Variants in SORCS1 observed in about 807,000 individuals in gnomAD.
The protein encoded by SORCS1 is VPS10 domain-containing receptor SorCS1.
SORCS1 carries 60 observed loss-of-function variants against 146.1 expected under a neutral mutation model. That is an observed-to-expected ratio of 0.41 (90% CI 0.33 to 0.51). The LOEUF (loss-of-function observed/expected upper bound fraction) is 0.51. Among genes scored for constraint, SORCS1 ranks in the 20% least tolerant of loss-of-function variants. The pLI, the probability that SORCS1 is intolerant of heterozygous loss-of-function variation, is 0.21. For missense variants in SORCS1, 1,352 were observed against 1,487.6 expected (o/e 0.91, Z 1.50); for synonymous variants, 637 against 584.0 (o/e 1.09, Z -1.31).
intron 4 of SORCS1, among the ~76,000 whole-genome samples, chr10:106,773,084 T>G (rs535883291): frequency 6.6e-6 from 1 of 152,274 alleles, no homozygotes; most frequent in African/African-American, 2.4e-5. Context: ...GCCACCTCAA[T>G]AATGCATTTT....
intron 2 of SORCS1, among the ~76,000 whole-genome samples, chr10:106,870,243 A>G (rs567058338): frequency 6.6e-6 from 1 of 152,368 alleles, no homozygotes; most frequent in East Asian, 1.9e-4. Context: ...GGAAGAATCA[A>G]CATCTTTGAA....
intron 1 of SORCS1, among the ~76,000 whole-genome samples, chr10:107,028,337 A>C (rs941021399): frequency 1.3e-5 from 2 of 152,218 alleles, no homozygotes; most frequent in African/African-American, 4.8e-5. Context: ...GAACAGAAAG[A>C]GGCTCATATT....
chr10:106,745,860 A>T, intron 5 of SORCS1, among the ~76,000 whole-genome samples: 1 of 152,238 alleles, frequency 6.6e-6, no homozygotes, highest in South Asian at 2.1e-4. Flanking sequence ...TAACATCATC[A>T]GTAATAAGAC....
chr10:106,867,648 T>G (rs12266638), intron 2 of SORCS1, among the ~76,000 whole-genome samples: 2,783 of 152,234 alleles, frequency 0.018, 83 homozygotes, highest in East Asian at 0.11. Flanking sequence ...CCAACTAACT[T>G]CCTAAGTAAA....
intron 4 of SORCS1, among the ~76,000 whole-genome samples, chr10:106,774,343 G>A (rs940734167): frequency 6.6e-6 from 1 of 151,790 alleles, no homozygotes; most frequent in East Asian, 1.9e-4. Flanking sequence ...ATTTCTGAAG[G>A]CTCCTAATTA....
intron 24 of SORCS1, among the ~76,000 whole-genome samples, chr10:106,595,807 T>C (rs1845873568): frequency 6.6e-6 from 1 of 152,158 alleles, no homozygotes; most frequent in African/African-American, 2.4e-5. Context: ...GAATGACCTC[T>C]TGCATTTAAT....
chr10:106,797,787 CTGAT>C (rs748312216), intron 3 of SORCS1, among the ~76,000 whole-genome samples: 9 of 152,298 alleles, frequency 5.9e-5, no homozygotes, highest in Non-Finnish European at 2.9e-5. Flanking sequence ...GACTGCATCT[CTGAT>C]TGTGCAGTCC....
At chr10:107,014,284 A>AAGAGAG (rs906628023) in intron 1 of SORCS1, among the ~76,000 whole-genome samples, 1 of 144,970 alleles carries the variant, frequency 6.9e-6, no homozygotes, top group Non-Finnish European at 1.5e-5. Flanking sequence ...AAAAGAAAAA[A>AAGAGAG]AGAGAGAGAG....
chr10:106,708,938 G>T (rs1037372071), intron 7 of SORCS1, among the ~76,000 whole-genome samples: 1 of 152,186 alleles, frequency 6.6e-6, no homozygotes, highest in Admixed American at 6.5e-5. Flanking sequence ...CATCATCCTA[G>T]AGACAATCTC....
rs147638396 is a variant in SORCS1 at position 106,855,338 on chromosome 10, A to G, written c.627-25665T>C. 1.2e-3 allele frequency among the ~76,000 whole-genome samples: 177 copies of G among 152,132 alleles called. 1 individual carries two copies. The highest frequency in any genetic ancestry group is 4.0e-3 in the African/African-American group (168 of 41,484). The stretch of plus-strand genomic sequence containing the variant: ...TCTGAATTTTGAATATGATATACCT[A>G]TGTGGGGTTATGATGGTTTTTGTGG... On this transcript the variant is annotated intron_variant, in intron 2 of 25. Coordinates refer to ENST00000263054, the MANE Select transcript of SORCS1 (RefSeq NM_052918.5).
At chr10:106,750,020 G>A (rs994760115) in intron 5 of SORCS1, among the ~76,000 whole-genome samples, 1 of 152,242 alleles carries the variant, frequency 6.6e-6, no homozygotes, top group Non-Finnish European at 1.5e-5. Context: ...ATTCAAAATC[G>A]ATGATTGAAT....
chr10:107,145,291 G>T (rs968644217), intron 1 of SORCS1, among the ~76,000 whole-genome samples: 1 of 152,176 alleles, frequency 6.6e-6, no homozygotes, highest in Non-Finnish European at 1.5e-5. Context: ...TGAATTAAAT[G>T]ACCAAAAGAA....
At chr10:107,157,331 G>C (rs1969363717) in intron 1 of SORCS1, among the ~76,000 whole-genome samples, 1 of 152,170 alleles carries the variant, frequency 6.6e-6, no homozygotes, top group South Asian at 2.1e-4. Flanking sequence ...GTCAAACCAA[G>C]AATCACTCCT....
intron 3 of SORCS1, among the ~76,000 whole-genome samples, chr10:106,826,093 T>C (rs1402122443): frequency 6.6e-6 from 1 of 152,230 alleles, no homozygotes; most frequent in Non-Finnish European, 1.5e-5. Context: ...TCCCCGGTAG[T>C]ACCCCTAACA....
chr10:106,863,449 C>T (rs58289922), intron 2 of SORCS1, among the ~76,000 whole-genome samples: 4,835 of 149,812 alleles, frequency 0.032, 234 homozygotes, highest in African/African-American at 0.11. Context: ...CACTTGAACC[C>T]AAGAGGCAGA....
intron 2 of SORCS1, among the ~76,000 whole-genome samples, chr10:106,862,843 G>A (rs1950075606): frequency 6.7e-6 from 1 of 148,594 alleles, no homozygotes; most frequent in Admixed American, 6.7e-5. Context: ...TGAAGTAGCT[G>A]AGACTTAGAT....
At chr10:107,128,416 G>A (rs534206598) in intron 1 of SORCS1, among the ~76,000 whole-genome samples, 1 of 152,272 alleles carries the variant, frequency 6.6e-6, no homozygotes, top group Admixed American at 6.5e-5. Context: ...AAAGGCAGAA[G>A]GGGCAATAGA....
Position 106,625,429 on chromosome 10 carries a change from C to A in SORCS1, c.2662+3773G>T, listed in dbSNP as rs147420210. Among the ~76,000 whole-genome samples the A allele has an allele frequency of 1.2e-3, 184 of 152,228 alleles. 1 individual carries two copies. Among genetic ancestry groups the A allele is most frequent in the Non-Finnish European group, 9.3e-4 (63 of 68,020 alleles). On this transcript the variant is annotated intron_variant, in intron 19 of 25. Transcript: ENST00000263054. ...ACAGAGTTTCTCAAATTTCACTGTA[C>A]GTTAAAATCATACTAATCTCTTCAA... is the stretch of plus-strand genomic sequence containing the variant.
At chr10:106,989,679 T>TG (rs1554906116) in intron 1 of SORCS1, among the ~76,000 whole-genome samples, 10 of 82,726 alleles carry the variant, frequency 1.2e-4, no homozygotes, top group African/African-American at 3.9e-4. Flanking sequence ...TGTTTTTTTT[T>TG]GTTTTTTTTT....
Sources: allele counts gnomAD v4.1 joint callset (sites outside exome capture counted in the v4.1 genomes callset), GRCh38; gene constraint gnomAD v4.1.1; transcripts MANE v1.5; gene names NCBI Gene and HGNC (gene_info 2026-07-23, HGNC 2026-07-21).